Variants in NYAP2 observed in about 807,000 individuals in gnomAD.
NYAP2 encodes neuronal tyrosine-phosphorylated phosphoinositide-3-kinase adapter 2.
In NYAP2, 23 loss-of-function variants were observed where a neutral mutation model predicts 50.4. The ratio of observed to expected loss-of-function variants is 0.46; its 90% CI spans 0.33 to 0.65. The LOEUF (loss-of-function observed/expected upper bound fraction) is 0.65. Among genes scored for constraint, NYAP2 ranks in the 30% least tolerant of loss-of-function variants. The pLI is 0.02. For missense variants in NYAP2, 885 were observed against 861.0 expected (o/e 1.03, Z -0.35); for synonymous variants, 394 against 365.2 (o/e 1.08, Z -0.90).
chr2:225,552,430 T>A (rs1273461729), intron 4 of NYAP2, among the ~76,000 whole-genome samples: 1 of 152,202 alleles, frequency 6.6e-6, no homozygotes, highest in Non-Finnish European at 1.5e-5. Flanking sequence ...CAAATTCATA[T>A]GATGAATTCG....
chr2:225,635,398 A>C (rs889531113), intron 6 of NYAP2, among the ~76,000 whole-genome samples: 15 of 152,170 alleles, frequency 9.9e-5, no homozygotes, highest in Admixed American at 9.8e-4. Context: ...AGATCAAATA[A>C]ATCTCACTGT....
rs76505308 is a variant in NYAP2, at chr2:225,497,425, A to G, written c.222-15946A>G. Among the ~76,000 whole-genome samples, 269 of 152,320 alleles carry G rather than the reference A, an allele frequency of 1.8e-3. 8 individuals carry two copies. In the East Asian group the frequency reaches 0.047, roughly 27 times the overall value. On this transcript the variant is annotated intron_variant, in intron 3 of 6. Coordinates refer to ENST00000636099, the Ensembl canonical transcript of NYAP2. ...CTCCGGTTACATGAATGAGGGCTGG[A>G]AGCTGGGTTTTTAGAACTCTAAGGC... is the stretch of plus-strand genomic sequence containing the variant.
chr2:225,653,331 C>G (rs535587053), exon 7 of NYAP2: 131 of 152,292 alleles, frequency 8.6e-4, no homozygotes, highest in African/African-American at 3.0e-3. Context: ...ATAGCTGTTT[C>G]ACCCTAAGCC....
intron 5 of NYAP2, among the ~76,000 whole-genome samples, chr2:225,588,859 C>T (rs1574696129): frequency 6.6e-6 from 1 of 152,244 alleles, no homozygotes; most frequent in East Asian, 1.9e-4. Context: ...AGCAGTGACA[C>T]AGTATTGATA....
intron 3 of NYAP2, among the ~76,000 whole-genome samples, chr2:225,499,315 G>C (rs1474341470): frequency 6.6e-6 from 1 of 151,452 alleles, no homozygotes; most frequent in African/African-American, 2.4e-5. Context: ...CAAGGAAAAG[G>C]TTACTTTTTT....
chr2:225,478,342 GTC>G (rs144888771), intron 3 of NYAP2, among the ~76,000 whole-genome samples: 1 of 151,366 alleles, frequency 6.6e-6, no homozygotes, highest in African/African-American at 2.4e-5. Context: ...GAAGAAGCCA[GTC>G]TCTCTCTCTC....
At chr2:225,568,328 C>T (rs1691999585) in intron 4 of NYAP2, among the ~76,000 whole-genome samples, 1 of 152,064 alleles carries the variant, frequency 6.6e-6, no homozygotes, top group Non-Finnish European at 1.5e-5. Flanking sequence ...TTTAACCTGC[C>T]TCAATTTTTC....
chr2:225,495,426 A>G (rs1690486749), intron 3 of NYAP2, among the ~76,000 whole-genome samples: 1 of 152,210 alleles, frequency 6.6e-6, no homozygotes, highest in African/African-American at 2.4e-5. Context: ...AGAAGAATTC[A>G]TTATTCACTC....
At chr2:225,506,189 A>G (rs1015833685) in intron 3 of NYAP2, among the ~76,000 whole-genome samples, 1 of 152,152 alleles carries the variant, frequency 6.6e-6, no homozygotes, top group East Asian at 1.9e-4. Context: ...TCCAAAGTGG[A>G]CTTACTTCCA....
chr2:225,437,203 C>A (rs1251099231), intron 3 of NYAP2, among the ~76,000 whole-genome samples: 1 of 151,996 alleles, frequency 6.6e-6, no homozygotes, highest in Non-Finnish European at 1.5e-5. Flanking sequence ...TGGACTGGAG[C>A]ACGGGCACAT....
At chr2:225,409,678 C>A (rs1327607552) in intron 3 of NYAP2, among the ~76,000 whole-genome samples, 1 of 152,094 alleles carries the variant, frequency 6.6e-6, no homozygotes, top group African/African-American at 2.4e-5. Context: ...CAAAACCTAC[C>A]AGCTACTAGC....
chr2:225,530,196 G>C (rs1210627333), intron 4 of NYAP2, among the ~76,000 whole-genome samples: 3 of 152,060 alleles, frequency 2.0e-5, no homozygotes, highest in African/African-American at 7.3e-5. Flanking sequence ...TCTTTCTAAT[G>C]GGTGAATGTA....
chr2:225,457,149 A>G (rs143764862), intron 3 of NYAP2, among the ~76,000 whole-genome samples: 1 of 152,210 alleles, frequency 6.6e-6, no homozygotes, highest in South Asian at 2.1e-4. Flanking sequence ...GTCCTACGCT[A>G]TGCGGAGTGA....
At chr2:225,618,642 G>C (rs1693032242) in intron 5 of NYAP2, among the ~76,000 whole-genome samples, 1 of 152,186 alleles carries the variant, frequency 6.6e-6, no homozygotes, top group Non-Finnish European at 1.5e-5. Context: ...GGTGTGTCAG[G>C]CTGAAGAAAG....
intron 3 of NYAP2, among the ~76,000 whole-genome samples, chr2:225,414,212 A>G (rs1430568898): frequency 6.6e-6 from 1 of 152,152 alleles, no homozygotes; most frequent in Non-Finnish European, 1.5e-5. Context: ...ATTTTACTCA[A>G]AAGTCTGGCT....
chr2:225,637,996 T>C (rs1693451942), intron 6 of NYAP2, among the ~76,000 whole-genome samples: 1 of 152,222 alleles, frequency 6.6e-6, no homozygotes, highest in Admixed American at 6.5e-5. Flanking sequence ...TGAATATTGT[T>C]GTCCTTAACT....
chr2:225,638,025 T>C (rs1693452209), intron 6 of NYAP2, among the ~76,000 whole-genome samples: 1 of 152,140 alleles, frequency 6.6e-6, no homozygotes, highest in African/African-American at 2.4e-5. Context: ...ATTTCTAGCC[T>C]AGGAAAGTGG....
chr2:225,580,583 C>G (rs142280653), intron 4 of NYAP2, among the ~76,000 whole-genome samples: 4 of 152,184 alleles, frequency 2.6e-5, no homozygotes, highest in Non-Finnish European at 5.9e-5. Context: ...CACATTGGAA[C>G]AAAATATTTG....
At chr2:225,628,321 T>TG (rs1693247065) in intron 6 of NYAP2, among the ~76,000 whole-genome samples, 1 of 145,824 alleles carries the variant, frequency 6.9e-6, no homozygotes, top group South Asian at 2.3e-4. Flanking sequence ...CATAGTTTTT[T>TG]TTTTTTTTTT....
Sources: gnomAD v4.1 joint callset for allele counts (sites outside exome capture counted in the v4.1 genomes callset) on GRCh38, gnomAD v4.1.1 for gene constraint, MANE v1.5 for transcripts, NCBI Gene and HGNC (gene_info 2026-07-23, HGNC 2026-07-21) for gene names.